Variants in USP33 observed in about 807,000 individuals in gnomAD.
USP33 encodes the protein ubiquitin carboxyl-terminal hydrolase 33.
In USP33, 46 loss-of-function variants were observed where a neutral mutation model predicts 124.2. That is an observed-to-expected ratio of 0.37 (90% CI 0.29 to 0.47). The LOEUF (loss-of-function observed/expected upper bound fraction) is 0.47, where lower values mean the gene tolerates loss of function less well. Ranked by LOEUF, USP33 falls within the 20% of genes least tolerant of loss-of-function variation. USP33 has a pLI of 0.99. For missense variants in USP33, 851 were observed against 1,070.6 expected, an observed-to-expected ratio of 0.79 and a Z score of 2.86; for synonymous variants, 350 against 352.3, an observed-to-expected ratio of 0.99 and a Z score of 0.07.
chr1:77,702,322 A>G (rs1278900262), intron 21 of USP33, among the ~76,000 whole-genome samples: 1 of 152,136 alleles, frequency 6.6e-6, no homozygotes, highest in Non-Finnish European at 1.5e-5. Flanking sequence ...TGGTCAAGAC[A>G]AAGTCTTCAA....
intron 1 of USP33, among the ~76,000 whole-genome samples, chr1:77,751,289 C>T (rs1680307662): frequency 1.3e-5 from 2 of 152,140 alleles, no homozygotes; most frequent in African/African-American, 4.8e-5. Flanking sequence ...CAGATGAAAA[C>T]GACTGCACTC....
At chr1:77,754,880 AT>A (rs1461871929) in intron 1 of USP33, among the ~76,000 whole-genome samples, 1 of 152,252 alleles carries the variant, frequency 6.6e-6, no homozygotes, top group Non-Finnish European at 1.5e-5. Flanking sequence ...GGCAATCTTC[AT>A]TCCAAATAAC....
In USP33 at chr1:77,697,491, A is replaced by G; in HGVS notation, c.2579-17T>C. ...AATCTGCTCCTTAAAATTACGTAGA[A>G]GAAATAATGTTTACAAACCTATATA... is the stretch of plus-strand genomic sequence containing the variant. On this transcript the variant is annotated splice_polypyrimidine_tract_variant and intron_variant, in intron 23 of 23. Coordinates refer to ENST00000370794, the MANE Select transcript of USP33 (RefSeq NM_201624.3). 1.3e-6 allele frequency: 2 copies of G among 1,586,630 alleles called. No homozygotes were observed. Among genetic ancestry groups the G allele is most frequent in the Non-Finnish European group, 1.7e-6 (2 of 1,171,082 alleles).
At chr1:77,729,744 C>T (rs1677586490) in intron 9 of USP33, 116 bp downstream of exon 9, 2 of 898,294 alleles carry the variant, frequency 2.2e-6, no homozygotes, top group Non-Finnish European at 3.5e-6. Context: ...CTATTCTTGG[C>T]AAAAGAAAGA....
At chr1:77,743,110 T>A (rs1042948463) in intron 1 of USP33, among the ~76,000 whole-genome samples, 7 of 151,836 alleles carry the variant, frequency 4.6e-5, no homozygotes, top group African/African-American at 1.7e-4. Flanking sequence ...ACCCGACCAC[T>A]TTTTTTGTAT....
At chr1:77,750,639 AG>A (rs1680225256) in intron 1 of USP33, among the ~76,000 whole-genome samples, 20 of 143,700 alleles carry the variant, frequency 1.4e-4, no homozygotes, top group Admixed American at 3.4e-4. Flanking sequence ...AAAGAAAGAA[AG>A]AAAGAAAGAA....
At chr1:77,736,500 T>C (rs1472753800) in intron 5 of USP33, among the ~76,000 whole-genome samples, 1 of 152,238 alleles carries the variant, frequency 6.6e-6, no homozygotes, top group Admixed American at 6.5e-5. Flanking sequence ...TATCCTACAC[T>C]GTCTTCTCAG....
chr1:77,755,906 C>A (rs1680760784), intron 1 of USP33, among the ~76,000 whole-genome samples: 1 of 152,144 alleles, frequency 6.6e-6, no homozygotes, highest in African/African-American at 2.4e-5. Flanking sequence ...GTGGGGATGG[C>A]AGCATTGTTC....
At chr1:77,697,694 C>G (rs1194580093) in intron 23 of USP33, 169 bp downstream of exon 23, 6 of 886,738 alleles carry the variant, frequency 6.8e-6, no homozygotes, top group Non-Finnish European at 6.7e-6. Context: ...AGCCTTAAGA[C>G]CTTTCCTCAG....
At chr1:77,751,728 G>A (rs969902383) in intron 1 of USP33, among the ~76,000 whole-genome samples, 3 of 151,470 alleles carry the variant, frequency 2.0e-5, no homozygotes, top group East Asian at 1.9e-4. Flanking sequence ...TTGCTCTGTC[G>A]CCCAGGCTTG....
intron 1 of USP33, among the ~76,000 whole-genome samples, chr1:77,742,955 T>C (rs1478246200): frequency 6.7e-6 from 1 of 150,250 alleles, no homozygotes; most frequent in East Asian, 1.9e-4. Context: ...TATTTATTTA[T>C]TTTTGAGACA....
chr1:77,710,139 A>G (rs1338725263), intron 21 of USP33, among the ~76,000 whole-genome samples: 2 of 152,108 alleles, frequency 1.3e-5, no homozygotes, highest in Non-Finnish European at 2.9e-5. Context: ...GTAGCCACCA[A>G]TGTCAGGCCA....
At chr1:77,751,601 C>G (rs1680341781) in intron 1 of USP33, among the ~76,000 whole-genome samples, 1 of 152,140 alleles carries the variant, frequency 6.6e-6, no homozygotes. Context: ...AAGTTGCATG[C>G]AGTGAGCTGT....
At chr1:77,702,107 A>C (rs1293756990) in intron 21 of USP33, among the ~76,000 whole-genome samples, 1 of 127,912 alleles carries the variant, frequency 7.8e-6, no homozygotes, top group Non-Finnish European at 1.6e-5. Flanking sequence ...GTGCCACTGT[A>C]CTCCAGCCTG....
Position 77,734,242 on chromosome 1 carries a change from C to G in USP33, c.524+105G>C, listed in dbSNP as rs140217947. On this transcript the variant is annotated intron_variant, in intron 7 of 23. Coordinates refer to ENST00000370794, the MANE Select transcript of USP33 (RefSeq NM_201624.3). Reference sequence around the variant, plus strand: ...GGTTATGTCCCAAACCAGATTCTTGCCTGTTCTACCTTGAGTTAGTCAACT... The same window carrying G: ...GGTTATGTCCCAAACCAGATTCTTGGCTGTTCTACCTTGAGTTAGTCAACT... 88 of 830,184 alleles carry G rather than the reference C, an allele frequency of 1.1e-4. No homozygotes were observed. The African/African-American group carries it at 1.4e-3, about 14-fold the overall frequency. 51.4% of individuals were successfully genotyped at this position (830,184 alleles called of 1,614,324 possible). A position where few individuals can be genotyped will look rare whatever the true frequency, so the allele number is the denominator to read the frequency against.
rs748939424 is a variant in USP33, at chr1:77,701,352, TTCAG to T, written c.2509+13_2509+16del. On this transcript the variant is annotated intron_variant, in intron 22 of 23. Coordinates refer to ENST00000370794, the MANE Select transcript of USP33 (RefSeq NM_201624.3). ...CAAATAATTTACCAAAAAAAAATTTTTCAGTCAACCACTTACCTCCATCTTTACC... is the reference window on the plus strand; with the variant it reads ...CAAATAATTTACCAAAAAAAAATTTTTCAACCACTTACCTCCATCTTTACC... 6.4e-7 allele frequency: 1 copy of T among 1,569,834 alleles called. No homozygotes were observed. Among genetic ancestry groups the T allele is most frequent in the Non-Finnish European group, 8.6e-7 (1 of 1,163,024 alleles).
chr1:77,714,388 G>C (rs1470315214), intron 19 of USP33, among the ~76,000 whole-genome samples: 4 of 152,118 alleles, frequency 2.6e-5, no homozygotes, highest in Non-Finnish European at 5.9e-5. Flanking sequence ...AAAAAGTTTA[G>C]AAAGCATGTA....
chr1:77,754,344 T>C (rs937941648), intron 1 of USP33, among the ~76,000 whole-genome samples: 4 of 152,210 alleles, frequency 2.6e-5, no homozygotes, highest in Non-Finnish European at 5.9e-5. Flanking sequence ...TTATGGCTTA[T>C]CTTTCCATAT....
At chr1:77,728,175 A>T in intron 10 of USP33, 120 bp downstream of exon 10, 1 of 1,110,672 alleles carries the variant, frequency 9.0e-7, no homozygotes, top group South Asian at 1.8e-5. Flanking sequence ...ACTAATACTC[A>T]CATGCAAATA....
Sources: gnomAD v4.1 joint callset for allele counts (sites outside exome capture counted in the v4.1 genomes callset) on GRCh38, gnomAD v4.1.1 for gene constraint, MANE v1.5 for transcripts, NCBI Gene and HGNC (gene_info 2026-07-23, HGNC 2026-07-21) for gene names.